Variants in MYO5C observed in about 807,000 individuals in gnomAD.
MYO5C encodes the protein unconventional myosin-Vc.
Under a neutral mutation model 235.7 loss-of-function variants are expected in MYO5C, and 194 were observed. The observed-to-expected ratio is 0.82, with a 90% CI of 0.73 to 0.93. MYO5C has a LOEUF of 0.93. Ranked by LOEUF, MYO5C falls within the 40% of genes least tolerant of loss-of-function variation. MYO5C has a pLI of 0.00. For missense variants in MYO5C, 2,038 were observed against 2,127.2 expected (o/e 0.96, Z 0.82); for synonymous variants, 707 against 754.8 (o/e 0.94, Z 1.04).
intron 38 of MYO5C, among the ~76,000 whole-genome samples, chr15:52,199,385 C>T (rs1052856132): frequency 1.7e-4 from 26 of 152,188 alleles, no homozygotes; most frequent in Non-Finnish European, 2.9e-4. Context: ...TTGTCTGTCC[C>T]ACTGAATGCA....
intron 1 of MYO5C, among the ~76,000 whole-genome samples, chr15:52,288,229 C>T (rs1217643060): frequency 1.3e-5 from 2 of 152,190 alleles, no homozygotes; most frequent in Non-Finnish European, 2.9e-5. Context: ...GAGCTAGGGC[C>T]TGTGACTCCT....
chr15:52,259,544 C>T (rs1007669821), intron 10 of MYO5C, among the ~76,000 whole-genome samples: 1 of 152,126 alleles, frequency 6.6e-6, no homozygotes, highest in Non-Finnish European at 1.5e-5. Context: ...CGTATTTCCA[C>T]CACAATGAAA....
At chr15:52,256,777 T>C in intron 10 of MYO5C, 57 bp from the exon 11 acceptor site, 1 of 1,338,796 alleles carries the variant, frequency 7.5e-7, no homozygotes, top group South Asian at 1.2e-5. Flanking sequence ...TATGCATTTG[T>C]TTATAGATAT....
chr15:52,248,485 C>T (rs916665470), intron 14 of MYO5C, among the ~76,000 whole-genome samples: 4 of 152,114 alleles, frequency 2.6e-5, no homozygotes, highest in African/African-American at 9.7e-5. Context: ...GCTGTCCTTC[C>T]TGTCATCTGC....
At chr15:52,295,445 C>T (rs1391812311) in intron 1 of MYO5C, among the ~76,000 whole-genome samples, 165 bp downstream of exon 1, 1 of 152,098 alleles carries the variant, frequency 6.6e-6, no homozygotes, top group African/African-American at 2.4e-5. Flanking sequence ...GTCCCCGGTC[C>T]CCGTGGCCCC....
intron 1 of MYO5C, among the ~76,000 whole-genome samples, chr15:52,292,723 G>A (rs554319762): frequency 7.2e-5 from 11 of 152,330 alleles, no homozygotes; most frequent in South Asian, 2.1e-4. Context: ...CAGAGTTCAC[G>A]AGCTGTTACC....
At chr15:52,210,371 A>G (rs1427682193) in intron 35 of MYO5C, among the ~76,000 whole-genome samples, 1 of 152,196 alleles carries the variant, frequency 6.6e-6, no homozygotes, top group Non-Finnish European at 1.5e-5. Flanking sequence ...AATATATCCT[A>G]ATATCAAACA....
intron 32 of MYO5C, 147 bp from the exon 33 acceptor site, chr15:52,214,837 G>A (rs2035519608): frequency 1.9e-6 from 1 of 520,760 alleles, no homozygotes; most frequent in Non-Finnish European, 3.3e-6. Flanking sequence ...TTTTAGTGTA[G>A]TCAGAGTTGT....
At chr15:52,225,767 G>A (rs2035808829) in intron 25 of MYO5C, among the ~76,000 whole-genome samples, 1 of 152,068 alleles carries the variant, frequency 6.6e-6, no homozygotes, top group African/African-American at 2.4e-5. Context: ...TAACTTCCCT[G>A]GGCCAGGCAT....
intron 38 of MYO5C, among the ~76,000 whole-genome samples, chr15:52,204,570 C>CT (rs1289765762): frequency 2.6e-5 from 4 of 152,080 alleles, no homozygotes; most frequent in Non-Finnish European, 4.4e-5. Flanking sequence ...AAGGTAGTCA[C>CT]TACTGGTTGA....
intron 38 of MYO5C, among the ~76,000 whole-genome samples, chr15:52,203,241 C>A (rs145962834): frequency 2.6e-5 from 4 of 151,854 alleles, no homozygotes; most frequent in African/African-American, 7.2e-5. Context: ...TGTTTTGATA[C>A]AGGCATGCAA....
intron 10 of MYO5C, among the ~76,000 whole-genome samples, chr15:52,259,285 T>C (rs188333559): frequency 6.6e-6 from 1 of 151,856 alleles, no homozygotes; most frequent in East Asian, 1.9e-4. Context: ...CCGGGCGTAG[T>C]GGCAGGTGCC....
chr15:52,275,727 A>G lies in MYO5C; in HGVS notation c.450-9T>C, dbSNP rs778934247. 3 of 1,613,600 alleles carry G rather than the reference A, an allele frequency of 1.9e-6. No homozygotes were observed. In the East Asian group the frequency reaches 6.7e-5, roughly 36 times the overall value. On this transcript the variant is annotated splice_polypyrimidine_tract_variant and intron_variant, in intron 4 of 40. Transcript: ENST00000261839. ...ACTGGTTTCTGTTGTTTCTAAAGCA[A>G]ATAAAAGTTTTCAAATATTAGTTTC...
At chr15:52,242,899 T>G (rs1244849378) in intron 19 of MYO5C, 1 of 152,230 alleles carries the variant, frequency 6.6e-6, no homozygotes, top group African/African-American at 2.4e-5. Context: ...ATGGAGGCTC[T>G]ACAGTGCCTG....
chr15:52,205,167 C>A lies in MYO5C; in HGVS notation c.4538-20G>T. 1 of 1,609,358 alleles carries A rather than the reference C, an allele frequency of 6.2e-7. No homozygotes were observed. Among genetic ancestry groups the A allele is most frequent in the Non-Finnish European group, 8.5e-7 (1 of 1,177,578 alleles). ...CCGGAACTGCGGAGAGACAGGGAGG[C>A]TGTGCTGACACGCCAGGAGACACAC... On this transcript the variant is annotated intron_variant, in intron 37 of 40. Transcript: ENST00000261839.
Position 52,272,812 on chromosome 15 carries a change from T to C in MYO5C, c.607-89A>G. On this transcript the variant is annotated intron_variant, in intron 5 of 40. Transcript: ENST00000261839. Reference sequence around the variant, plus strand: ...AGGGGTTTTTAGTAAAAGGCAATCCTGTACCCTAGGGGAAGGTCTGATTGG... The same window carrying C: ...AGGGGTTTTTAGTAAAAGGCAATCCCGTACCCTAGGGGAAGGTCTGATTGG... 3 of 1,346,918 alleles carry C rather than the reference T, an allele frequency of 2.2e-6. 1 individual carries two copies. The South Asian group carries it at 4.0e-5, about 18-fold the overall frequency. 83.4% of individuals were successfully genotyped at this position (1,346,918 alleles called of 1,614,324 possible).
intron 20 of MYO5C, 59 bp from the exon 21 acceptor site, chr15:52,239,938 C>T: frequency 6.5e-7 from 1 of 1,537,302 alleles, no homozygotes; most frequent in Middle Eastern, 1.8e-4. Flanking sequence ...CTAACCAACT[C>T]CTTCAACACT....
chr15:52,244,088 C>T (rs55935056), intron 19 of MYO5C, among the ~76,000 whole-genome samples: 48 of 152,308 alleles, frequency 3.2e-4, no homozygotes, highest in South Asian at 6.2e-4. Context: ...AACCCTGACT[C>T]TCCTTAGTAA....
At chr15:52,232,360 A>AGAAAG in intron 24 of MYO5C, among the ~76,000 whole-genome samples, 2 of 151,508 alleles carry the variant, frequency 1.3e-5, no homozygotes, top group South Asian at 4.2e-4. Context: ...GAAAGAAAGG[A>AGAAAG]AAAGAAAAGA....
Sources: gnomAD v4.1 joint callset for allele counts (sites outside exome capture counted in the v4.1 genomes callset) on GRCh38, gnomAD v4.1.1 for gene constraint, MANE v1.5 for transcripts, NCBI Gene and HGNC (gene_info 2026-07-23, HGNC 2026-07-21) for gene names.